The following CUTC variants were observed in gnomAD, a reference collection of about 807,000 sequenced individuals.
CUTC encodes the protein cutC copper transporter.
Under a neutral mutation model 36.2 loss-of-function variants are expected in CUTC, and 27 were observed. That is an observed-to-expected ratio of 0.75 (90% confidence interval 0.55 to 1.03). The LOEUF (loss-of-function observed/expected upper bound fraction) is 1.03. Ranked by LOEUF, CUTC falls within the 50% of genes least tolerant of loss-of-function variation. The probability of loss-of-function intolerance (pLI) is 0.00; values close to 1 mark genes in which losing one functional copy is unlikely to be tolerated. For synonymous variants in CUTC, 114 were observed against 118.3 expected, an observed-to-expected ratio of 0.96 and a Z score of 0.24; for missense variants, 315 against 343.5, an observed-to-expected ratio of 0.92 and a Z score of 0.66.
chr10:99,742,514 T>C (rs559944775), intron 3 of CUTC, among the ~76,000 whole-genome samples: 25 of 152,208 alleles, frequency 1.6e-4, no homozygotes, highest in African/African-American at 5.5e-4. Context: ...CTATGCAAAA[T>C]TGGAGTTCTT....
chr10:99,739,593 T>C (rs2037323706), intron 2 of CUTC, 117 bp from the exon 3 acceptor site: 1 of 882,094 alleles, frequency 1.1e-6, no homozygotes, highest in African/African-American at 1.8e-5. Flanking sequence ...ATAATTTGAT[T>C]TCTCTGAGAT....
At chr10:99,739,264 G>A (rs1207611091) in intron 2 of CUTC, among the ~76,000 whole-genome samples, 1 of 152,042 alleles carries the variant, frequency 6.6e-6, no homozygotes, top group Non-Finnish European at 1.5e-5. Flanking sequence ...TTTGGTTTCA[G>A]CATTTTCTTA....
At chr10:99,732,976 A>G (rs978252116) in intron 1 of CUTC, among the ~76,000 whole-genome samples, 12 of 152,178 alleles carry the variant, frequency 7.9e-5, no homozygotes, top group African/African-American at 2.9e-4. Flanking sequence ...AACCTTCCTA[A>G]AAGTTATCAA....
At chr10:99,746,063 A>G (rs2133674238) in intron 5 of CUTC, among the ~76,000 whole-genome samples, 1 of 152,346 alleles carries the variant, frequency 6.6e-6, no homozygotes, top group South Asian at 2.1e-4. Context: ...GCCTTAGAAC[A>G]GTTTCCCAAA....
At chr10:99,737,284 TA>T (rs1022904716) in intron 2 of CUTC, among the ~76,000 whole-genome samples, 1 of 151,320 alleles carries the variant, frequency 6.6e-6, no homozygotes, top group African/African-American at 2.4e-5. Flanking sequence ...AAAAAAAAGT[TA>T]AAAAAATCCT....
intron 8 of CUTC, among the ~76,000 whole-genome samples, chr10:99,754,901 T>C (rs1387458303): frequency 1.3e-5 from 2 of 152,204 alleles, no homozygotes; most frequent in East Asian, 1.9e-4. Flanking sequence ...AATTCTGCAG[T>C]TGAGCTTCAA....
chr10:99,750,234 C>T, intron 6 of CUTC, 135 bp from the exon 7 acceptor site: 1 of 480,336 alleles, frequency 2.1e-6, no homozygotes, highest in Non-Finnish European at 3.5e-6. Context: ...TAGAGAAGAT[C>T]TAGTAAAAAT....
chr10:99,746,704 T>G (rs913249074), intron 5 of CUTC, among the ~76,000 whole-genome samples: 3 of 152,118 alleles, frequency 2.0e-5, no homozygotes, highest in African/African-American at 7.2e-5. Context: ...AGAGCCCTGA[T>G]TTGTAGCATT....
In CUTC at chr10:99,750,405, T is replaced by G. The variant is rs201099081; in HGVS notation, c.601+9T>G. ...GATTGTGGTAATGCCAGGTATTTAT[T>G]TATCTATCAATTCACTAGCATAACA... On this transcript the variant is annotated intron_variant, in intron 7 of 8. Coordinates refer to ENST00000370476, the MANE Select transcript of CUTC (RefSeq NM_015960.3). 6.3e-7 allele frequency: 1 copy of G among 1,588,780 alleles called. No individual in the cohort carries two copies. The highest frequency in any genetic ancestry group is 1.4e-5 in the African/African-American group (1 of 73,582).
intron 8 of CUTC, among the ~76,000 whole-genome samples, chr10:99,755,374 A>T (rs1232893285): frequency 1.6e-5 from 2 of 122,974 alleles, no homozygotes; most frequent in African/African-American, 2.9e-5. Context: ...CCTGTAATTT[A>T]AAAAGGAAAA....
At position 99,739,696 on chromosome 10, in the gene CUTC, CT is replaced by C. The variant is rs1411266501; in HGVS notation, c.134-10del. ...TTTTTTAAAAATGTGTTGAGCAATG[CT>C]TTTATATTACAGGTGCTGATCGGAT... On this transcript the variant is annotated splice_polypyrimidine_tract_variant and intron_variant, in intron 2 of 8. Transcript: ENST00000370476. 17 of 1,606,158 alleles carry C rather than the reference CT, an allele frequency of 1.1e-5. No homozygotes were observed. Among genetic ancestry groups the C allele is most frequent in the Non-Finnish European group, 1.4e-5 (17 of 1,177,110 alleles).
chr10:99,743,216 G>T lies in CUTC; in HGVS notation c.257G>T (p.Gly86Val), dbSNP rs764912203. The part of the protein sequence containing the change: ...IPVFVMIRPR[G>V]GDFLYSDREI... ...GTTTTTGTGATGATTCGGCCACGGG[G>T]AGGTGATTTTTTGTATTCAGATCGT... The change falls in exon 4 of 9, where the codon GGA becomes GTA. Residue 86 changes from glycine (G) to valine (V), a missense_variant. Gly to Val is a moderately radical substitution (Grantham distance 109). Coordinates refer to ENST00000370476, the MANE Select transcript of CUTC (RefSeq NM_015960.3). 1.2e-6 allele frequency: 2 copies of T among 1,614,134 alleles called. No homozygotes were observed. The highest frequency in any genetic ancestry group is 1.7e-6 in the Non-Finnish European group (2 of 1,180,016).
chr10:99,743,059 C>G, intron 3 of CUTC, 94 bp from the exon 4 acceptor site: 1 of 1,211,110 alleles, frequency 8.3e-7, no homozygotes, highest in Non-Finnish European at 1.2e-6. Context: ...GTCTGTCCTA[C>G]CTTTTAGAGC....
intron 8 of CUTC, 83 bp downstream of exon 8, chr10:99,754,717 C>G (rs2037442568): frequency 1.1e-6 from 1 of 887,088 alleles, no homozygotes; most frequent in Non-Finnish European, 1.8e-6. Context: ...TGGATGGGGG[C>G]ATGATTAATC....
At chr10:99,733,023 C>T (rs564442940) in intron 1 of CUTC, among the ~76,000 whole-genome samples, 11 of 152,196 alleles carry the variant, frequency 7.2e-5, no homozygotes, top group African/African-American at 2.7e-4. Flanking sequence ...TGGATTACAT[C>T]TATCTATTTT....
At chr10:99,754,937 A>G (rs1407459031) in intron 8 of CUTC, among the ~76,000 whole-genome samples, 9 of 152,178 alleles carry the variant, frequency 5.9e-5, no homozygotes, top group Non-Finnish European at 1.5e-5. Context: ...ACATGTGCCC[A>G]TTCGCCTATG....
chr10:99,733,269 A>G (rs941838187), intron 1 of CUTC, among the ~76,000 whole-genome samples: 2 of 152,176 alleles, frequency 1.3e-5, no homozygotes, highest in Admixed American at 6.5e-5. Context: ...AGATCGCGCC[A>G]CTGCACTCCA....
intron 6 of CUTC, among the ~76,000 whole-genome samples, chr10:99,749,958 T>C (rs1345261819): frequency 2.0e-5 from 3 of 152,112 alleles, no homozygotes; most frequent in Non-Finnish European, 4.4e-5. Context: ...GGGTTTGTTA[T>C]TGGGGGCCTG....
At chr10:99,753,733 A>G (rs1408187352) in intron 7 of CUTC, among the ~76,000 whole-genome samples, 1 of 152,196 alleles carries the variant, frequency 6.6e-6, no homozygotes, top group African/African-American at 2.4e-5. Context: ...CTTAAGGCTC[A>G]GTGATATTAC....
Sources: gnomAD v4.1 joint callset for allele counts (sites outside exome capture counted in the v4.1 genomes callset) on GRCh38, gnomAD v4.1.1 for gene constraint, MANE v1.5 for transcripts, NCBI Gene and HGNC (gene_info 2026-07-23, HGNC 2026-07-21) for gene names.